Variants in DPH6 observed in about 807,000 individuals in gnomAD.
The protein encoded by DPH6 is diphthine--ammonia ligase.
Under a neutral mutation model 38.2 loss-of-function variants are expected in DPH6, and 33 were observed. That is an observed-to-expected ratio of 0.86 (90% CI 0.65 to 1.15). The LOEUF (loss-of-function observed/expected upper bound fraction) is 1.15. Ranked by LOEUF, DPH6 falls within the 50% of genes most tolerant of loss-of-function variation. DPH6 has a pLI of 0.00. For missense variants in DPH6, 325 were observed against 320.0 expected (o/e 1.02, Z -0.12); for synonymous variants, 108 against 103.0 (o/e 1.05, Z -0.30).
chr15:35,531,036 G>A (rs2055079706), intron 3 of DPH6, among the ~76,000 whole-genome samples: 2 of 152,228 alleles, frequency 1.3e-5, no homozygotes, highest in South Asian at 4.2e-4. Context: ...TTTGTACAGG[G>A]CTGTGTGCCT....
intron 7 of DPH6, among the ~76,000 whole-genome samples, chr15:35,379,066 C>T (rs2052825404): frequency 6.6e-6 from 1 of 152,188 alleles, no homozygotes; most frequent in Admixed American, 6.5e-5. Flanking sequence ...CTTGCTTTTT[C>T]TAGCTTGTAG....
At chr15:35,213,929 G>T (rs532278994), downstream of DPH6, among the ~76,000 whole-genome samples, 1 of 152,154 alleles carries the variant, frequency 6.6e-6, no homozygotes, top group Non-Finnish European at 1.5e-5. Context: ...TGGCTAACAC[G>T]GTGAAACCCC....
chr15:35,374,757 T>C (rs1265317696), intron 7 of DPH6, among the ~76,000 whole-genome samples: 5 of 152,072 alleles, frequency 3.3e-5, no homozygotes, highest in Non-Finnish European at 1.5e-5. Context: ...TGGAAACATA[T>C]AATTTGCCTT....
the DPH6 span, among the ~76,000 whole-genome samples, chr15:35,182,220 ATTTTTTT>A: frequency 1.5e-4 from 13 of 86,042 alleles, no homozygotes; most frequent in East Asian, 2.8e-4. Flanking sequence ...AACTCTAAGA[ATTTTTTT>A]TTTTTTTTTT....
Position 35,371,936 on chromosome 15 carries a change from T to A in DPH6, c.*214A>T. On this transcript the variant is annotated 3_prime_UTR_variant, in exon 9 of 9. Transcript: ENST00000256538. ...AGATGTGTTAACGAAAGAGAAAGAG[T>A]GAATTCCAAGAAAGTTGGCACTATT... The A allele has an allele frequency of 8.0e-7, 1 of 1,243,072 alleles. No individual in the cohort carries two copies. Among genetic ancestry groups the A allele is most frequent in the South Asian group, 2.7e-5 (1 of 36,856 alleles). The allele number at this position is 1,243,072 out of a possible 1,614,324, so 77.0% of individuals were successfully genotyped here. A position where few individuals can be genotyped will look rare whatever the true frequency, so the allele number is the denominator to read the frequency against.
At chr15:35,264,034 C>G (rs2051766988) in intron 3 of DPH6, among the ~76,000 whole-genome samples, 1 of 151,626 alleles carries the variant, frequency 6.6e-6, no homozygotes, top group South Asian at 2.1e-4. Flanking sequence ...TTTTAAAGGG[C>G]CTTTTTTCTA....
At chr15:35,213,450 C>T (rs1169083191), downstream of DPH6, among the ~76,000 whole-genome samples, 1 of 152,156 alleles carries the variant, frequency 6.6e-6, no homozygotes, top group Non-Finnish European at 1.5e-5. Flanking sequence ...CTTGTTTACA[C>T]TTATTTGTAT....
At chr15:35,280,305 A>G (rs1169556391) in intron 3 of DPH6, among the ~76,000 whole-genome samples, 1 of 152,212 alleles carries the variant, frequency 6.6e-6, no homozygotes, top group African/African-American at 2.4e-5. Context: ...CCTACTGTTG[A>G]CTTAAACAAC....
At chr15:35,432,465 A>C (rs2053644323) in intron 5 of DPH6, among the ~76,000 whole-genome samples, 1 of 152,174 alleles carries the variant, frequency 6.6e-6, no homozygotes, top group Admixed American at 6.5e-5. Flanking sequence ...AAGAAAGAAG[A>C]GCTTTATTAT....
the DPH6 span, among the ~76,000 whole-genome samples, chr15:35,168,105 G>T: frequency 6.6e-6 from 1 of 152,016 alleles, no homozygotes; most frequent in South Asian, 2.1e-4. Flanking sequence ...TCTTCTCACT[G>T]CTTTTTCACT....
At chr15:35,191,844 C>A in the DPH6 span, among the ~76,000 whole-genome samples, 3 of 152,282 alleles carry the variant, frequency 2.0e-5, no homozygotes, top group African/African-American at 7.2e-5. Context: ...GCTTCCTTAC[C>A]TCTCCCTAAT....
chr15:35,359,765 G>A (rs2052598034), intron 3 of DPH6, among the ~76,000 whole-genome samples: 1 of 152,174 alleles, frequency 6.6e-6, no homozygotes, highest in African/African-American at 2.4e-5. Context: ...TTCCTTCAGA[G>A]GGTCTCATTG....
intron 3 of DPH6, among the ~76,000 whole-genome samples, chr15:35,533,692 A>G (rs1203113122): frequency 6.7e-6 from 1 of 149,880 alleles, no homozygotes; most frequent in Non-Finnish European, 1.5e-5. Flanking sequence ...TGTATTTAAT[A>G]TTTATTATTA....
intron 3 of DPH6, among the ~76,000 whole-genome samples, chr15:35,472,383 A>G (rs2141129344): frequency 6.6e-6 from 1 of 152,270 alleles, no homozygotes; most frequent in East Asian, 1.9e-4. Context: ...CCTGTCCAAT[A>G]GGAGCTGGAG....
chr15:35,427,246 T>C (rs2053581138), intron 5 of DPH6, among the ~76,000 whole-genome samples: 1 of 151,592 alleles, frequency 6.6e-6, no homozygotes, highest in African/African-American at 2.4e-5. Flanking sequence ...AGAAAAACAG[T>C]GGGGTAGTAG....
intron 5 of DPH6, among the ~76,000 whole-genome samples, chr15:35,442,877 C>A (rs572195845): frequency 6.6e-6 from 1 of 152,174 alleles, no homozygotes; most frequent in Admixed American, 6.5e-5. Context: ...AGCAGTGGGG[C>A]AGGGGTTGGA....
chr15:35,364,198 C>T (rs2052637273), intron 3 of DPH6, among the ~76,000 whole-genome samples: 1 of 151,592 alleles, frequency 6.6e-6, no homozygotes, highest in South Asian at 2.1e-4. Context: ...ATGTTTTTTC[C>T]CAACATATTT....
At chr15:35,354,594 C>T (rs148010706) in intron 3 of DPH6, among the ~76,000 whole-genome samples, 3,823 of 152,148 alleles carry the variant, frequency 0.025, 66 homozygotes, top group Middle Eastern at 0.048. Context: ...TATTGATTTG[C>T]CTATGTTGAA....
chr15:35,543,937 A>G (rs1218224262), intron 1 of DPH6, among the ~76,000 whole-genome samples: 1 of 152,238 alleles, frequency 6.6e-6, no homozygotes, highest in African/African-American at 2.4e-5. Flanking sequence ...TTATTTTGAA[A>G]TATGCCAACA....
Sources: allele counts gnomAD v4.1 joint callset (sites outside exome capture counted in the v4.1 genomes callset), GRCh38; gene constraint gnomAD v4.1.1; transcripts MANE v1.5; gene names NCBI Gene and HGNC (gene_info 2026-07-23, HGNC 2026-07-21).